ACTR3: variants seen among roughly 807,000 people sequenced by gnomAD.
ACTR3 encodes actin related protein 3.
In ACTR3, 12 loss-of-function variants were observed where a neutral mutation model predicts 56.8. That is an observed-to-expected ratio of 0.21 (90% confidence interval 0.14 to 0.34). ACTR3 has a LOEUF of 0.34. ACTR3 is among the 10% of genes least tolerant of loss of function. The pLI, the probability that ACTR3 is intolerant of heterozygous loss-of-function variation, is 1.00. For synonymous variants in ACTR3, 162 were observed against 167.4 expected (o/e 0.97, Z 0.25); for missense variants, 282 against 512.5 (o/e 0.55, Z 4.34).
At chr2:113,889,983 G>A (rs1170671280), upstream of ACTR3, 6 of 530,102 alleles carry the variant, frequency 1.1e-5, no homozygotes, top group African/African-American at 1.0e-4. Context: ...GGGGAAAGGC[G>A]GCGTGAGGGG....
intron 1 of ACTR3, chr2:113,904,418 T>C (rs1679156402): frequency 6.6e-6 from 1 of 152,194 alleles, no homozygotes; most frequent in Non-Finnish European, 1.5e-5. Flanking sequence ...CCCAGGAGAA[T>C]GGGTTATGTT....
chr2:113,890,356 T>C (rs1425182240), intron 1 of ACTR3, 33 bp downstream of exon 1: 7 of 968,304 alleles, frequency 7.2e-6, no homozygotes, highest in Non-Finnish European at 9.2e-6. Flanking sequence ...GTGGGGAAAC[T>C]GAGGCGGAGG....
chr2:113,912,382 G>A (rs1679324028), intron 1 of ACTR3, among the ~76,000 whole-genome samples: 1 of 151,986 alleles, frequency 6.6e-6, no homozygotes, highest in African/African-American at 2.4e-5. Context: ...CTCCTAAGTA[G>A]CCCCCACATA....
chr2:113,958,709 A>G lies in ACTR3; in HGVS notation c.*1254A>G, dbSNP rs1680268299. ...ATCTCTGTAATGTGTATGGTAGAAA[A>G]TTTCTTGTGACCTTAAAATTTTACC... On this transcript the variant is annotated 3_prime_UTR_variant, in exon 12 of 12. Coordinates refer to ENST00000263238, the MANE Select transcript of ACTR3 (RefSeq NM_005721.5). 6.6e-6 allele frequency: 1 copy of G among 151,842 alleles called. No homozygotes were observed. The highest frequency in any genetic ancestry group is 6.6e-5 in the Admixed American group (1 of 15,228). The allele number at this position is 151,842 out of a possible 1,614,324, so 9.4% of individuals were successfully genotyped here.
intron 6 of ACTR3, among the ~76,000 whole-genome samples, chr2:113,938,108 C>G (rs1346202196): frequency 1.3e-5 from 2 of 151,728 alleles, no homozygotes; most frequent in Admixed American, 1.3e-4. Context: ...CTGTGTAGTC[C>G]ACTGTAATCT....
rs1044407773 is a variant in ACTR3, at chr2:113,893,935, T to C, written c.44+3612T>C. Among the ~76,000 whole-genome samples, 25 of 152,158 alleles carry C rather than the reference T, an allele frequency of 1.6e-4. 1 individual carries two copies. The highest frequency in any genetic ancestry group is 1.5e-5 in the Non-Finnish European group (1 of 68,030). On this transcript the variant is annotated intron_variant, in intron 1 of 11. Coordinates refer to ENST00000263238, the MANE Select transcript of ACTR3 (RefSeq NM_005721.5). ...TGTAGGTGTCAGTGAAAGAGGAGTA[T>C]GTTCATCTTGTGGCCACAATTCAGC...
At chr2:113,890,589 C>T in intron 1 of ACTR3, 1 of 1,352,222 alleles carries the variant, frequency 7.4e-7, no homozygotes, top group Non-Finnish European at 9.5e-7. Context: ...CCCTCCCGGC[C>T]CTTCCCCCAC....
intron 1 of ACTR3, among the ~76,000 whole-genome samples, chr2:113,903,694 G>A (rs568055511): frequency 1.3e-4 from 19 of 151,916 alleles, no homozygotes; most frequent in Non-Finnish European, 2.5e-4. Flanking sequence ...GAGTCTCGCC[G>A]TGTGGGCCAT....
intron 1 of ACTR3, among the ~76,000 whole-genome samples, chr2:113,895,653 G>A (rs899822654): frequency 2.6e-5 from 4 of 152,130 alleles, no homozygotes; most frequent in African/African-American, 9.7e-5. Context: ...GATAAGTTAG[G>A]AAAAGATTGG....
intron 1 of ACTR3, among the ~76,000 whole-genome samples, chr2:113,902,440 G>T (rs1467759108): frequency 6.6e-6 from 1 of 151,544 alleles, no homozygotes; most frequent in Non-Finnish European, 1.5e-5. Context: ...TCAGCTACAG[G>T]ATTTTAGAGT....
chr2:113,892,161 G>A (rs911940866), intron 1 of ACTR3, among the ~76,000 whole-genome samples: 1 of 152,022 alleles, frequency 6.6e-6, no homozygotes, highest in Non-Finnish European at 1.5e-5. Flanking sequence ...AAATAGTTTC[G>A]AATTAGTATA....
rs371167636 is a variant in ACTR3 at position 113,902,818 on chromosome 2, T to C, written c.45-10354T>C. Reference sequence around the variant, plus strand: ...TTTCGCCGTGTTGGCCAGGGTGGCCTCAAACTCCTGACCTCAGGTGATCGC... The same window carrying C: ...TTTCGCCGTGTTGGCCAGGGTGGCCCCAAACTCCTGACCTCAGGTGATCGC... On this transcript the variant is annotated intron_variant, in intron 1 of 11. Transcript: ENST00000263238. Among the ~76,000 whole-genome samples, 16 of 152,308 alleles carry C rather than the reference T, an allele frequency of 1.1e-4. No individual in the cohort carries two copies. The East Asian group carries it at 2.9e-3, about 28-fold the overall frequency.
chr2:113,893,694 A>G (rs1242479967), intron 1 of ACTR3, among the ~76,000 whole-genome samples: 2 of 152,210 alleles, frequency 1.3e-5, no homozygotes, highest in Admixed American at 6.5e-5. Flanking sequence ...TAGCTTGGTT[A>G]CAGAGCTGCA....
rs766523216 is a variant in ACTR3 at position 113,942,173 on chromosome 2, CTTTG to C, written c.685-9_685-6del. ...TAAGCAAAAAAAGTTACTTTTGTTT[CTTTG>C]TTTTTCAGGAGCGCTATAGTTATGT... On this transcript the variant is annotated splice_polypyrimidine_tract_variant and intron_variant, in intron 7 of 11. Coordinates refer to ENST00000263238, the MANE Select transcript of ACTR3 (RefSeq NM_005721.5). The C allele has an allele frequency of 1.1e-5, 17 of 1,531,666 alleles. No homozygotes were observed. In the Admixed American group the frequency reaches 2.9e-4, roughly 26 times the overall value. The allele number at this position is 1,531,666 out of a possible 1,614,324, so 94.9% of individuals were successfully genotyped here.
intron 1 of ACTR3, among the ~76,000 whole-genome samples, chr2:113,903,562 A>C (rs1309178280): frequency 7.1e-6 from 1 of 139,942 alleles, no homozygotes; most frequent in Admixed American, 7.4e-5. Context: ...TTTGAGACGG[A>C]GTCTCGCTCC....
intron 8 of ACTR3, chr2:113,950,713 G>A (rs1303055166): frequency 6.6e-6 from 1 of 152,188 alleles, no homozygotes; most frequent in East Asian, 1.9e-4. Context: ...TTTCTTCAGA[G>A]TTTGTTGTAA....
At chr2:113,918,087 C>T (rs568777325) in intron 3 of ACTR3, among the ~76,000 whole-genome samples, 8 of 152,116 alleles carry the variant, frequency 5.3e-5, no homozygotes, top group Non-Finnish European at 7.4e-5. Context: ...GCATGGAGAA[C>T]GAGGTGGAAA....
chr2:113,903,031 A>G (rs767828449), intron 1 of ACTR3, among the ~76,000 whole-genome samples: 26 of 152,230 alleles, frequency 1.7e-4, no homozygotes, highest in South Asian at 4.1e-4. Context: ...GCAAATTTCA[A>G]CTGTAAAATA....
chr2:113,950,003 G>C (rs1248152025), intron 8 of ACTR3, among the ~76,000 whole-genome samples: 2 of 152,180 alleles, frequency 1.3e-5, no homozygotes, highest in South Asian at 2.1e-4. Flanking sequence ...GTTATTCAAA[G>C]TAGATGTGCC....
Sources: gnomAD v4.1 joint callset for allele counts (sites outside exome capture counted in the v4.1 genomes callset) on GRCh38, gnomAD v4.1.1 for gene constraint, MANE v1.5 for transcripts, NCBI Gene and HGNC (gene_info 2026-07-23, HGNC 2026-07-21) for gene names.